CPAP: variants seen among roughly 807,000 people sequenced by gnomAD.
CPAP encodes centrosome assembly and centriole elongation protein.
chr13:24,906,419 C>A, the CPAP span: 1 of 1,613,486 alleles, frequency 6.2e-7, no homozygotes, highest in Non-Finnish European at 8.5e-7. Flanking sequence ...CCTTATGGGG[C>A]TCTTAGCAGC....
the CPAP span, chr13:24,906,495 T>C: frequency 6.2e-7 from 1 of 1,614,250 alleles, no homozygotes; most frequent in Non-Finnish European, 8.5e-7. Flanking sequence ...TTCCACCCTG[T>C]GCAGCCAGTA....
the CPAP span, among the ~76,000 whole-genome samples, chr13:24,889,715 C>T: frequency 2.6e-5 from 4 of 152,120 alleles, no homozygotes; most frequent in Non-Finnish European, 4.4e-5. Context: ...TCATGGTGTT[C>T]GAGAACAAAG....
At chr13:24,884,200 C>T in the CPAP span, 1 of 1,614,178 alleles carries the variant, frequency 6.2e-7, no homozygotes, top group Non-Finnish European at 8.5e-7. Context: ...TCCAGTCCCT[C>T]CGGGTATGTC....
chr13:24,926,295 A>G, the CPAP span, among the ~76,000 whole-genome samples: 1 of 152,082 alleles, frequency 6.6e-6, no homozygotes. Context: ...GCAACACTAT[A>G]TGTAAGTATT....
At chr13:24,911,883 G>GT in the CPAP span, 1 of 1,591,592 alleles carries the variant, frequency 6.3e-7, no homozygotes, top group Non-Finnish European at 8.6e-7. Flanking sequence ...TAGAAATAAC[G>GT]TGTCAAACAA....
At chr13:24,889,103 T>C in the CPAP span, 2 of 568,364 alleles carry the variant, frequency 3.5e-6, no homozygotes, top group African/African-American at 1.9e-5. Context: ...CGCAACAAGG[T>C]AAAATAATTT....
At chr13:24,925,060 G>C in the CPAP span, among the ~76,000 whole-genome samples, 6 of 152,186 alleles carry the variant, frequency 3.9e-5, no homozygotes, top group Admixed American at 2.0e-4. Flanking sequence ...CCAAAGCCTA[G>C]CTCTGTGGGT....
chr13:24,885,855 C>A, the CPAP span: 1 of 591,364 alleles, frequency 1.7e-6, no homozygotes, highest in Non-Finnish European at 3.0e-6. Flanking sequence ...TCCTAGATGT[C>A]CAAGAAAGAC....
the CPAP span, among the ~76,000 whole-genome samples, chr13:24,927,615 TA>T: frequency 6.6e-6 from 1 of 152,214 alleles, no homozygotes; most frequent in African/African-American, 2.4e-5. Flanking sequence ...ACGTTTACAA[TA>T]CCAGCTATCA....
At chr13:24,910,103 G>GC in the CPAP span, 2 of 1,608,588 alleles carry the variant, frequency 1.2e-6, no homozygotes, top group South Asian at 1.1e-5. Context: ...ATTAAGAAAT[G>GC]CAACAAAGCT....
the CPAP span, chr13:24,886,237 G>T: frequency 9.3e-7 from 1 of 1,072,302 alleles, no homozygotes; most frequent in Non-Finnish European, 1.3e-6. Flanking sequence ...CACTCAACTT[G>T]GAAGGGTCTC....
the CPAP span, among the ~76,000 whole-genome samples, chr13:24,931,578 G>C: frequency 8.6e-5 from 13 of 151,968 alleles, 1 homozygote; most frequent in Non-Finnish European, 1.0e-4. Flanking sequence ...ATTTTATTCA[G>C]TACCCTAAAA....
chr13:24,889,138 A>C, the CPAP span: 10 of 618,406 alleles, frequency 1.6e-5, no homozygotes, highest in African/African-American at 1.8e-4. Context: ...GACCATTATC[A>C]GGGTAGAAAT....
At chr13:24,889,383 A>G in the CPAP span, 1 of 1,608,632 alleles carries the variant, frequency 6.2e-7, no homozygotes, top group African/African-American at 1.3e-5. Context: ...GACTGTTTTG[A>G]AATCGAACAG....
At chr13:24,890,437 C>T in the CPAP span, among the ~76,000 whole-genome samples, 1 of 152,128 alleles carries the variant, frequency 6.6e-6, no homozygotes, top group Non-Finnish European at 1.5e-5. Context: ...TACGGGTCCT[C>T]GACCCCCAGT....
chr13:24,886,330 C>T, the CPAP span: 66 of 1,289,148 alleles, frequency 5.1e-5, no homozygotes, highest in African/African-American at 3.3e-4. Context: ...AGGAGGAGAG[C>T]GGAGGCAGGT....
the CPAP span, among the ~76,000 whole-genome samples, chr13:24,903,759 C>G: frequency 6.6e-6 from 1 of 152,096 alleles, no homozygotes; most frequent in Non-Finnish European, 1.5e-5. Flanking sequence ...CATTGACTAC[C>G]CTGGGTCATT....
the CPAP span, chr13:24,932,998 T>C: frequency 6.4e-7 from 1 of 1,570,116 alleles, no homozygotes; most frequent in Non-Finnish European, 8.8e-7. Context: ...CTTTGTTTCC[T>C]ACAGGATGGT....
At chr13:24,909,884 T>C in the CPAP span, 2 of 1,614,030 alleles carry the variant, frequency 1.2e-6, no homozygotes, top group Non-Finnish European at 1.7e-6. Context: ...GAGACGCACG[T>C]TTTGAAGTTA....
Sources: gnomAD v4.1 joint callset for allele counts (sites outside exome capture counted in the v4.1 genomes callset) on GRCh38, gnomAD v4.1.1 for gene constraint, MANE v1.5 for transcripts, NCBI Gene and HGNC (gene_info 2026-07-23, HGNC 2026-07-21) for gene names.